Variants in ZNF444 observed in about 807,000 individuals in gnomAD.
The protein encoded by ZNF444 is zinc finger protein 444.
Under a neutral mutation model 14.4 loss-of-function variants are expected in ZNF444, and 8 were observed. That is an observed-to-expected ratio of 0.56 (90% CI 0.33 to 1.00). The LOEUF (loss-of-function observed/expected upper bound fraction) is 1.00, where lower values mean the gene tolerates loss of function less well. Among genes scored for constraint, ZNF444 ranks in the 50% least tolerant of loss-of-function variants. The pLI is 0.03. For missense variants in ZNF444, 510 were observed against 504.8 expected, an observed-to-expected ratio of 1.01 and a Z score of -0.10; for synonymous variants, 258 against 235.9, an observed-to-expected ratio of 1.09 and a Z score of -0.86.
chr19:56,147,695 C>T lies in ZNF444; in HGVS notation c.297+487C>T, dbSNP rs1425625942. 1.3e-5 allele frequency among the ~76,000 whole-genome samples: 2 copies of T among 152,138 alleles called. No homozygotes were observed. Among genetic ancestry groups the T allele is most frequent in the Non-Finnish European group, 2.9e-5 (2 of 68,024 alleles). On this transcript the variant is annotated intron_variant, in intron 3 of 4. Transcript: ENST00000337080. The surrounding 1 kb of genome is among the most constrained non-coding windows in gnomAD (Gnocchi z 5.9). ...TCCCGCCCCCTGAAAGTCAAGGATA[C>T]CCCCTGGTCCAAACTCTACCCCAAA...
chr19:56,152,581 A>T (rs1397560515), intron 3 of ZNF444, among the ~76,000 whole-genome samples: 1 of 151,464 alleles, frequency 6.6e-6, no homozygotes, highest in African/African-American at 2.4e-5. Context: ...CCAGGAGTGC[A>T]GTTGCTGGGT....
At position 56,160,861 on chromosome 19, in the gene ZNF444, T is replaced by C. The variant is rs1169232926; in HGVS notation, c.*660T>C. On this transcript the variant is annotated 3_prime_UTR_variant, in exon 5 of 5. Transcript: ENST00000337080. ...GGGGAGGGCAGTTCACCAGCATCCATAGAGTAATAAAGTCACTGTGTGTAG... is the reference window on the plus strand; with the variant it reads ...GGGGAGGGCAGTTCACCAGCATCCACAGAGTAATAAAGTCACTGTGTGTAG... 2 of 152,728 alleles carry C rather than the reference T, an allele frequency of 1.3e-5. No homozygotes were observed. The highest frequency in any genetic ancestry group is 2.1e-4 in the South Asian group (1 of 4,834). The allele number at this position is 152,728 out of a possible 1,614,324, so 9.5% of individuals were successfully genotyped here. A position where few individuals can be genotyped will look rare whatever the true frequency, so the allele number is the denominator to read the frequency against.
intron 1 of ZNF444, among the ~76,000 whole-genome samples, chr19:56,134,088 C>A (rs973590128): frequency 6.6e-6 from 1 of 152,092 alleles, no homozygotes; most frequent in Non-Finnish European, 1.5e-5. Context: ...GGTTCTCCCC[C>A]TCACACGCTC....
intron 3 of ZNF444, chr19:56,150,450 T>G: frequency 2.8e-6 from 1 of 358,710 alleles, no homozygotes. Context: ...TGGGATGTCT[T>G]TAGCATCTCT....
rs150953110 is a variant in ZNF444 at position 56,145,121 on chromosome 19, A to G, written c.-196-1126A>G. Among the ~76,000 whole-genome samples the G allele has an allele frequency of 7.9e-5, 12 of 152,364 alleles. No homozygotes were observed. The East Asian group carries it at 2.3e-3, about 29-fold the overall frequency. ...ACAGGCTGCAGGCCAGATTCGGCCCACCAGCTCAGAGACCACCATTTCTCA... is the reference window on the plus strand; with the variant it reads ...ACAGGCTGCAGGCCAGATTCGGCCCGCCAGCTCAGAGACCACCATTTCTCA... On this transcript the variant is annotated intron_variant, in intron 1 of 4. Transcript: ENST00000337080. The surrounding 1 kb of genome is among the most constrained non-coding windows in gnomAD (Gnocchi z 4.3).
At chr19:56,139,659 C>G (rs1259298253), upstream of ZNF444, among the ~76,000 whole-genome samples, 1 of 150,470 alleles carries the variant, frequency 6.6e-6, no homozygotes, top group African/African-American at 2.5e-5. Flanking sequence ...GCACTCCAGC[C>G]TGGGCAACAC....
rs1254852107 is a variant in ZNF444, at chr19:56,141,304, T to C, written c.-250T>C. 2.8e-5 allele frequency: 1 copy of C among 35,936 alleles called. No homozygotes were observed. The highest frequency in any genetic ancestry group is 4.8e-5 in the Non-Finnish European group (1 of 20,822). The allele number at this position is 35,936 out of a possible 1,614,324, so 2.2% of individuals were successfully genotyped here. On this transcript the variant is annotated 5_prime_UTR_variant, in exon 1 of 5. Transcript: ENST00000337080. ...GGGCATGGAGTCCCGGCGAGCTTTG[T>C]GCGCATGTGCGGGGAGGTGAGGGGG...
In ZNF444 at chr19:56,144,328, A is replaced by G. The variant is rs112147904; in HGVS notation, c.-196-1919A>G. Among the ~76,000 whole-genome samples, 11,715 of 151,732 alleles carry G rather than the reference A, an allele frequency of 0.077. 838 individuals are homozygous for G. The highest frequency in any genetic ancestry group is 0.19 in the African/African-American group (7,817 of 41,180). On this transcript the variant is annotated intron_variant, in intron 1 of 4. Transcript: ENST00000337080. This position sits in a 1 kb window ranked among gnomAD's most constrained non-coding sequence, Gnocchi z 4.0. ...TGTCTTAAAAAAAAGAAAAAAGAAA[A>G]AAAGGGATCCATTGTGGCTGGAGTA...
At chr19:56,140,328 T>TAA (rs59708336), upstream of ZNF444, among the ~76,000 whole-genome samples, 2 of 151,996 alleles carry the variant, frequency 1.3e-5, no homozygotes, top group East Asian at 3.9e-4. Context: ...ACTGTCTAGA[T>TAA]AAAAACTTCA....
In ZNF444 at chr19:56,151,024, C is replaced by T. The variant is rs1239591640; in HGVS notation, c.297+3816C>T. On this transcript the variant is annotated intron_variant, in intron 3 of 4. Coordinates refer to ENST00000337080, the MANE Select transcript of ZNF444 (RefSeq NM_018337.4). ...TTGGCATCTGGTCTGTGGGAGCTGA[C>T]GGTGGCACATAGACAGCTGACATCT... The T allele has an allele frequency of 6.0e-5, 18 of 300,634 alleles. 2 individuals are homozygous for T. Among genetic ancestry groups the T allele is most frequent in the Non-Finnish European group, 9.5e-5 (16 of 168,324 alleles). 18.6% of individuals were successfully genotyped at this position (300,634 alleles called of 1,614,324 possible).
chr19:56,146,886 G>A lies in ZNF444; in HGVS notation c.-22-4G>A. 7.2e-7 allele frequency: 1 copy of A among 1,384,198 alleles called. No individual in the cohort carries two copies. The highest frequency in any genetic ancestry group is 9.3e-7 in the Non-Finnish European group (1 of 1,077,420). The allele number at this position is 1,384,198 out of a possible 1,614,324, so 85.7% of individuals were successfully genotyped here. A position where few individuals can be genotyped will look rare whatever the true frequency, so the allele number is the denominator to read the frequency against. Reference sequence around the variant, plus strand: ...CAGGGGTCTCACCGGCTTGTTCCCTGCAGGCGCTGCGGTCCGGGAGGCCCC... The same window carrying A: ...CAGGGGTCTCACCGGCTTGTTCCCTACAGGCGCTGCGGTCCGGGAGGCCCC... On this transcript the variant is annotated splice_polypyrimidine_tract_variant and splice_region_variant and intron_variant, in intron 2 of 4. Transcript: ENST00000337080.
At chr19:56,148,494 C>G (rs1159860005) in intron 3 of ZNF444, among the ~76,000 whole-genome samples, 1 of 152,110 alleles carries the variant, frequency 6.6e-6, no homozygotes. Context: ...AGCCGGGCGG[C>G]CTTCCTTCCT....
intron 3 of ZNF444, among the ~76,000 whole-genome samples, chr19:56,152,478 GTTTTGT>G (rs200262525): frequency 0.038 from 5,595 of 146,192 alleles, 169 homozygotes; most frequent in East Asian, 0.18. Context: ...TGATTCCAGG[GTTTTGT>G]TTTTTTTTTT....
rs1397589190 is a variant in ZNF444, at chr19:56,145,711, T to C, written c.-196-536T>C. ...AGAGGTGCTCACCAGAACCCGACAG[T>C]GCTGGCACCCAGATCGCAAATTCCC... is the stretch of plus-strand genomic sequence containing the variant. On this transcript the variant is annotated intron_variant, in intron 1 of 4. Transcript: ENST00000337080. This position sits in a 1 kb window ranked among gnomAD's most constrained non-coding sequence, Gnocchi z 4.3. Among the ~76,000 whole-genome samples, 2 of 152,192 alleles carry C rather than the reference T, an allele frequency of 1.3e-5. No individual in the cohort carries two copies. The highest frequency in any genetic ancestry group is 2.4e-5 in the African/African-American group (1 of 41,454).
In ZNF444 at chr19:56,158,808, A is replaced by G. The variant is rs112746273; in HGVS notation, c.406+206A>G. The stretch of plus-strand genomic sequence containing the variant: ...GGTTCATCCATCCATCTATCCATCC[A>G]TGCACCCATCTAGCCATCATCCACC... On this transcript the variant is annotated intron_variant, in intron 4 of 4. Coordinates refer to ENST00000337080, the MANE Select transcript of ZNF444 (RefSeq NM_018337.4). Among the ~76,000 whole-genome samples the G allele has an allele frequency of 6.0e-3, 918 of 151,860 alleles. 11 individuals carry two copies. Among genetic ancestry groups the G allele is most frequent in the African/African-American group, 0.021 (863 of 41,376 alleles).
chr19:56,133,990 G>A (rs1246164300), intron 1 of ZNF444, among the ~76,000 whole-genome samples: 3 of 151,756 alleles, frequency 2.0e-5, no homozygotes, highest in Non-Finnish European at 4.4e-5. Context: ...CTCAGGTTCA[G>A]ATCCAGCCCC....
intron 3 of ZNF444, chr19:56,150,334 T>C (rs1370664526): frequency 3.9e-6 from 1 of 253,712 alleles, no homozygotes; most frequent in Admixed American, 5.1e-5. Context: ...CAGTGAGAGT[T>C]CTGTTGGTTC....
chr19:56,141,131 A>C (rs1323697734), upstream of ZNF444: 1 of 151,750 alleles, frequency 6.6e-6, no homozygotes, highest in Non-Finnish European at 1.5e-5. Context: ...GGCGAGGGCC[A>C]ATTGGCAGCC....
At chr19:56,148,046 G>A (rs74968916) in intron 3 of ZNF444, among the ~76,000 whole-genome samples, 3 of 90,834 alleles carry the variant, frequency 3.3e-5, no homozygotes, top group Non-Finnish European at 6.5e-5. Context: ...GAGTCCTGTC[G>A]GGGGATGTGT....
Sources: allele counts gnomAD v4.1 joint callset (sites outside exome capture counted in the v4.1 genomes callset), GRCh38; gene constraint gnomAD v4.1.1; non-coding constraint Gnocchi (gnomAD v3.1); transcripts MANE v1.5; gene names NCBI Gene and HGNC (gene_info 2026-07-23, HGNC 2026-07-21).